Variants in HNMT observed in about 807,000 individuals in gnomAD.
HNMT encodes histamine N-methyltransferase.
HNMT carries 30 observed loss-of-function variants against 32.1 expected under a neutral mutation model. The ratio of observed to expected loss-of-function variants is 0.93; its 90% CI spans 0.70 to 1.27. HNMT has a LOEUF of 1.27. Ranked by LOEUF, HNMT falls within the 50% of genes most tolerant of loss-of-function variation. The probability of loss-of-function intolerance (pLI) is 0.00; values close to 1 mark genes in which losing one functional copy is unlikely to be tolerated. For missense variants in HNMT, 327 were observed against 346.0 expected (o/e 0.95, Z 0.43); for synonymous variants, 125 against 119.0 (o/e 1.05, Z -0.33).
intron 2 of HNMT, among the ~76,000 whole-genome samples, chr2:137,998,300 T>C (rs1470626143): frequency 6.6e-6 from 1 of 152,200 alleles, no homozygotes; most frequent in Admixed American, 6.5e-5. Context: ...AAATTTCTCA[T>C]ATTAGTAAAT....
At chr2:137,984,020 G>A (rs1218697651) in intron 2 of HNMT, among the ~76,000 whole-genome samples, 1 of 152,154 alleles carries the variant, frequency 6.6e-6, no homozygotes, top group Non-Finnish European at 1.5e-5. Flanking sequence ...ACTATACCCT[G>A]AAGATTACCG....
chr2:138,011,688 C>A (rs921874692), intron 5 of HNMT, among the ~76,000 whole-genome samples: 6 of 151,996 alleles, frequency 3.9e-5, no homozygotes, highest in Non-Finnish European at 7.4e-5. Context: ...ACTTGGGAAC[C>A]AAAAGTATCT....
chr2:138,005,255 A>G (rs1215652065), intron 5 of HNMT, 30 bp downstream of exon 5: 9 of 1,191,642 alleles, frequency 7.6e-6, no homozygotes, highest in Non-Finnish European at 1.0e-5. Context: ...CCTGAATTTT[A>G]AAACAGCAAT....
At chr2:137,969,432 A>T (rs571454469) in intron 1 of HNMT, among the ~76,000 whole-genome samples, 2 of 152,064 alleles carry the variant, frequency 1.3e-5, no homozygotes, top group Admixed American at 6.6e-5. Context: ...TATTTTTTTT[A>T]AAAGCCCTGA....
intron 2 of HNMT, among the ~76,000 whole-genome samples, chr2:137,992,986 G>A (rs1680870382): frequency 6.6e-6 from 1 of 151,988 alleles, no homozygotes. Context: ...CAAGCAGAAA[G>A]CAACAACAAC....
rs546788327 is a variant in HNMT at position 137,984,578 on chromosome 2, A to G, written c.190+14361A>G. The stretch of plus-strand genomic sequence containing the variant: ...GATCCTTAGTGGATGTATGATTGAA[A>G]GAAAGACATTATAGCATGCAAAATT... On this transcript the variant is annotated intron_variant, in intron 2 of 5. Transcript: ENST00000280097. Among the ~76,000 whole-genome samples, 313 of 152,340 alleles carry G rather than the reference A, an allele frequency of 2.1e-3. 1 individual carries two copies. Among genetic ancestry groups the G allele is most frequent in the Non-Finnish European group, 3.8e-3 (259 of 68,026 alleles).
At position 137,964,521 on chromosome 2, in the gene HNMT, T is replaced by C. The variant is rs1573636164; in HGVS notation, c.30T>C (p.Ser10=). 2 of 1,613,864 alleles carry C rather than the reference T, an allele frequency of 1.2e-6. No homozygotes were observed. Among genetic ancestry groups the C allele is most frequent in the African/African-American group, 1.3e-5 (1 of 75,012 alleles). The change falls in exon 1 of 6, where the codon TCT becomes TCC. Residue 10 remains serine (S), a synonymous_variant. Transcript: ENST00000280097. MASSMRSLF[S]DHGKYVESFR... ...CATCTTCCATGAGGAGCTTGTTTTCTGACCACGGGAAATATGTTGAATCTT... is the reference window on the plus strand; with the variant it reads ...CATCTTCCATGAGGAGCTTGTTTTCCGACCACGGGAAATATGTTGAATCTT...
intron 2 of HNMT, among the ~76,000 whole-genome samples, chr2:137,992,736 C>A (rs1680860450): frequency 6.6e-6 from 1 of 152,166 alleles, no homozygotes; most frequent in South Asian, 2.1e-4. Flanking sequence ...CTGGGTGAGA[C>A]CCTCCAATAG....
intron 2 of HNMT, among the ~76,000 whole-genome samples, chr2:137,991,388 C>A (rs2104957820): frequency 6.6e-6 from 1 of 152,344 alleles, no homozygotes; most frequent in African/African-American, 2.4e-5. Flanking sequence ...TGTTCAGATT[C>A]TTCTTGATCT....
intron 2 of HNMT, among the ~76,000 whole-genome samples, chr2:137,985,692 G>A (rs1680632707): frequency 6.6e-6 from 1 of 152,132 alleles, no homozygotes; most frequent in Non-Finnish European, 1.5e-5. Flanking sequence ...AGAACAGACA[G>A]TCTCCCACTC....
intron 1 of HNMT, among the ~76,000 whole-genome samples, chr2:137,966,907 G>A (rs1320015558): frequency 6.6e-6 from 1 of 151,678 alleles, no homozygotes; most frequent in Non-Finnish European, 1.5e-5. Context: ...TCTTTTCTTT[G>A]TTTCCTCGGT....
chr2:138,003,213 AC>A (rs1681234684), intron 4 of HNMT, among the ~76,000 whole-genome samples: 1 of 150,790 alleles, frequency 6.6e-6, no homozygotes, highest in South Asian at 2.1e-4. Context: ...GTGCACATGT[AC>A]CCTAAAACTT....
At chr2:137,991,881 G>C (rs1680828577) in intron 2 of HNMT, 1 of 152,168 alleles carries the variant, frequency 6.6e-6, no homozygotes, top group Non-Finnish European at 1.5e-5. Flanking sequence ...AAAAACATAA[G>C]CTTGTGAATA....
At chr2:137,982,098 C>T (rs1680520098) in intron 2 of HNMT, among the ~76,000 whole-genome samples, 1 of 152,234 alleles carries the variant, frequency 6.6e-6, no homozygotes, top group African/African-American at 2.4e-5. Context: ...ATCCACCAGC[C>T]TAGGCCTCCC....
At chr2:137,992,562 C>T (rs1210208754) in intron 2 of HNMT, among the ~76,000 whole-genome samples, 2 of 152,174 alleles carry the variant, frequency 1.3e-5, no homozygotes, top group African/African-American at 4.8e-5. Context: ...ACCTGCATCT[C>T]CCTGGTCCTG....
intron 2 of HNMT, among the ~76,000 whole-genome samples, chr2:137,975,410 C>A (rs967459262): frequency 2.6e-5 from 4 of 152,096 alleles, no homozygotes; most frequent in Non-Finnish European, 5.9e-5. Context: ...GAAATAGTGG[C>A]CTTCTGTCAT....
intron 2 of HNMT, among the ~76,000 whole-genome samples, chr2:137,971,752 A>G (rs1680143296): frequency 6.6e-6 from 1 of 152,218 alleles, no homozygotes; most frequent in Admixed American, 6.5e-5. Context: ...CAAAAGTAAA[A>G]TAAGTTTCAT....
At chr2:137,975,749 A>C (rs1680267749) in intron 2 of HNMT, among the ~76,000 whole-genome samples, 5 of 152,228 alleles carry the variant, frequency 3.3e-5, no homozygotes, top group Admixed American at 3.3e-4. Flanking sequence ...GGCAGGAAGC[A>C]AAGGTTAATG....
chr2:138,002,212 T>C lies in HNMT; in HGVS notation c.429+18T>C. ...TGATTCAAGTAAGAAATATGTATTA[T>C]AATATATACTCAGAAAGAAGACTTT... On this transcript the variant is annotated intron_variant, in intron 4 of 5. Coordinates refer to ENST00000280097, the MANE Select transcript of HNMT (RefSeq NM_006895.3). The C allele has an allele frequency of 6.3e-6, 9 of 1,434,432 alleles. No individual in the cohort carries two copies. Among genetic ancestry groups the C allele is most frequent in the Non-Finnish European group, 8.5e-6 (9 of 1,056,404 alleles). The allele number at this position is 1,434,432 out of a possible 1,614,324, so 88.9% of individuals were successfully genotyped here.
Sources: gnomAD v4.1 joint callset for allele counts (sites outside exome capture counted in the v4.1 genomes callset) on GRCh38, gnomAD v4.1.1 for gene constraint, MANE v1.5 for transcripts, NCBI Gene and HGNC (gene_info 2026-07-23, HGNC 2026-07-21) for gene names.